QTMAN: variants seen among roughly 807,000 people sequenced by gnomAD.
QTMAN encodes tRNA-queuosine alpha-mannosyltransferase.
the QTMAN span, among the ~76,000 whole-genome samples, chr2:144,065,968 A>G: frequency 6.6e-6 from 1 of 152,166 alleles, no homozygotes; most frequent in Non-Finnish European, 1.5e-5. Flanking sequence ...CAGGGTGTTG[A>G]GAAGACCAGC....
At chr2:144,161,137 GGTTAAACAGACACTCCATT>G in the QTMAN span, among the ~76,000 whole-genome samples, 3 of 152,100 alleles carry the variant, frequency 2.0e-5, no homozygotes, top group African/African-American at 7.2e-5. Flanking sequence ...TACACTTGAT[GGTTAAACAGACACTCCATT>G]GTCATGTTCT....
At chr2:144,003,631 C>A in the QTMAN span, among the ~76,000 whole-genome samples, 1 of 151,998 alleles carries the variant, frequency 6.6e-6, no homozygotes, top group Non-Finnish European at 1.5e-5. Context: ...AGATGTTGCA[C>A]ACTATAATCC....
chr2:144,106,042 G>A, the QTMAN span, among the ~76,000 whole-genome samples: 2 of 152,168 alleles, frequency 1.3e-5, no homozygotes, highest in Non-Finnish European at 2.9e-5. Flanking sequence ...ATCCTTTACA[G>A]ACAAGCAAAT....
chr2:144,133,116 A>AT, the QTMAN span, among the ~76,000 whole-genome samples: 1 of 41,386 alleles, frequency 2.4e-5, no homozygotes. Context: ...AATGACTGGT[A>AT]ATATATATAT....
chr2:144,244,009 C>T, the QTMAN span, among the ~76,000 whole-genome samples: 1 of 152,310 alleles, frequency 6.6e-6, no homozygotes, highest in African/African-American at 2.4e-5. Context: ...GGTGATCAAA[C>T]ACATCTTTGC....
At chr2:144,293,278 T>C in the QTMAN span, among the ~76,000 whole-genome samples, 2 of 152,194 alleles carry the variant, frequency 1.3e-5, no homozygotes, top group African/African-American at 4.8e-5. Context: ...AAAGAATGGC[T>C]ACAAAGATGA....
At chr2:144,123,921 A>C in the QTMAN span, among the ~76,000 whole-genome samples, 7 of 152,140 alleles carry the variant, frequency 4.6e-5, no homozygotes, top group Non-Finnish European at 7.4e-5. Flanking sequence ...CACAAGTTTA[A>C]AGTAATTTAC....
chr2:144,221,597 T>G, the QTMAN span, among the ~76,000 whole-genome samples: 1 of 152,334 alleles, frequency 6.6e-6, no homozygotes, highest in East Asian at 1.9e-4. Flanking sequence ...TCAAGTTATC[T>G]TCATTGAATA....
At chr2:144,270,365 T>C in the QTMAN span, among the ~76,000 whole-genome samples, 173 of 152,320 alleles carry the variant, frequency 1.1e-3, no homozygotes, top group Middle Eastern at 3.4e-3. Flanking sequence ...CGTATGTTTA[T>C]TGCAGCATTA....
the QTMAN span, among the ~76,000 whole-genome samples, chr2:143,984,096 T>C: frequency 6.6e-6 from 1 of 152,224 alleles, no homozygotes; most frequent in African/African-American, 2.4e-5. Context: ...TTTCTTTTCC[T>C]GATAAGGATG....
At chr2:144,308,445 G>A in the QTMAN span, among the ~76,000 whole-genome samples, 645 of 152,080 alleles carry the variant, frequency 4.2e-3, 4 homozygotes, top group Non-Finnish European at 7.3e-3. Context: ...GATTACAGGC[G>A]TGAGCCACCA....
At chr2:144,274,186 T>TC in the QTMAN span, among the ~76,000 whole-genome samples, 1 of 152,116 alleles carries the variant, frequency 6.6e-6, no homozygotes, top group Non-Finnish European at 1.5e-5. Flanking sequence ...GGCATAGAGC[T>TC]CCTAGAGCCC....
At chr2:144,129,241 G>A in the QTMAN span, among the ~76,000 whole-genome samples, 1 of 151,842 alleles carries the variant, frequency 6.6e-6, no homozygotes, top group Non-Finnish European at 1.5e-5. Flanking sequence ...AAATAGGTGG[G>A]TGTCCAAAAC....
chr2:143,952,866 G>T, the QTMAN span: 5 of 1,433,282 alleles, frequency 3.5e-6, no homozygotes, highest in East Asian at 6.8e-5. Context: ...TAGAAAGAGG[G>T]TAAGAATATA....
the QTMAN span, among the ~76,000 whole-genome samples, chr2:144,293,783 A>G: frequency 6.6e-6 from 1 of 152,170 alleles, no homozygotes; most frequent in East Asian, 1.9e-4. Context: ...GAGTACAAAT[A>G]TTTTCTATGT....
chr2:144,043,941 C>T, the QTMAN span, among the ~76,000 whole-genome samples: 6 of 152,108 alleles, frequency 3.9e-5, no homozygotes, highest in African/African-American at 7.2e-5. Flanking sequence ...AGTATCATAT[C>T]GGTTTTGTTA....
At chr2:144,273,927 A>G in the QTMAN span, among the ~76,000 whole-genome samples, 1 of 152,292 alleles carries the variant, frequency 6.6e-6, no homozygotes, top group South Asian at 2.1e-4. Flanking sequence ...CAAGGTCAAG[A>G]GATCCAGACC....
chr2:144,297,529 G>A, the QTMAN span, among the ~76,000 whole-genome samples: 1 of 150,702 alleles, frequency 6.6e-6, no homozygotes, highest in African/African-American at 2.4e-5. Flanking sequence ...TTGGCTGGGC[G>A]TGGTGTCTCA....
At chr2:144,169,332 T>C in the QTMAN span, among the ~76,000 whole-genome samples, 1 of 152,170 alleles carries the variant, frequency 6.6e-6, no homozygotes, top group Non-Finnish European at 1.5e-5. Flanking sequence ...TTCAAGTATA[T>C]ACAAAAACTG....
Sources: gnomAD v4.1 joint callset for allele counts (sites outside exome capture counted in the v4.1 genomes callset) on GRCh38, gnomAD v4.1.1 for gene constraint, MANE v1.5 for transcripts, NCBI Gene and HGNC (gene_info 2026-07-23, HGNC 2026-07-21) for gene names.